VPS13B: variants seen among roughly 807,000 people sequenced by gnomAD.
VPS13B encodes intermembrane lipid transfer protein VPS13B.
A neutral mutation model predicts 426.4 loss-of-function variants in VPS13B; 285 were observed. That is an observed-to-expected ratio of 0.67 (90% CI 0.61 to 0.74). VPS13B has a LOEUF of 0.74. Among genes scored for constraint, VPS13B ranks in the 30% least tolerant of loss-of-function variants. The pLI is 0.00. For missense variants in VPS13B, 4,537 were observed against 4,782.6 expected (o/e 0.95, Z 1.51); for synonymous variants, 1,676 against 1,676.4 (o/e 1.00, Z 0.01).
At chr8:99,206,612 C>T (rs989853437) in intron 17 of VPS13B, among the ~76,000 whole-genome samples, 2 of 152,116 alleles carry the variant, frequency 1.3e-5, no homozygotes, top group African/African-American at 4.8e-5. Context: ...TCAAATATTC[C>T]TCTTACTTTA....
intron 3 of VPS13B, among the ~76,000 whole-genome samples, chr8:99,072,560 C>T (rs908053026): frequency 5.9e-5 from 9 of 152,010 alleles, no homozygotes; most frequent in Non-Finnish European, 8.8e-5. Flanking sequence ...GGTGCGGGGC[C>T]GAGGTGGTAT....
chr8:99,580,984 A>ACAC (rs1826024268), intron 33 of VPS13B, among the ~76,000 whole-genome samples: 1 of 126,620 alleles, frequency 7.9e-6, no homozygotes, highest in Non-Finnish European at 1.6e-5. Flanking sequence ...ATCTCTACAA[A>ACAC]ACACACACAC....
chr8:99,335,148 G>A (rs1588262877), intron 19 of VPS13B, among the ~76,000 whole-genome samples: 1 of 152,234 alleles, frequency 6.6e-6, no homozygotes, highest in African/African-American at 2.4e-5. Flanking sequence ...TTTGCGTAGA[G>A]GTGTTTGTAG....
intron 33 of VPS13B, among the ~76,000 whole-genome samples, chr8:99,615,117 C>CAAAAAA (rs747102670): frequency 1.7e-5 from 1 of 58,612 alleles, no homozygotes; most frequent in African/African-American, 5.8e-5. Context: ...AACTCCGTCT[C>CAAAAAA]AAAAAAAAAA....
intron 23 of VPS13B, among the ~76,000 whole-genome samples, chr8:99,445,103 G>A (rs3134147): frequency 3.3e-5 from 5 of 151,396 alleles, no homozygotes; most frequent in African/African-American, 1.2e-4. Context: ...TTCTAGATAC[G>A]ATACCCTTAC....
At chr8:99,870,579 A>T (rs186570186) in intron 59 of VPS13B, among the ~76,000 whole-genome samples, 30 of 152,224 alleles carry the variant, frequency 2.0e-4, no homozygotes, top group Admixed American at 3.9e-4. Flanking sequence ...TAACACATTC[A>T]TATTTTAGTT....
chr8:99,836,650 T>G (rs915428442), intron 54 of VPS13B, among the ~76,000 whole-genome samples: 1 of 152,250 alleles, frequency 6.6e-6, no homozygotes, highest in African/African-American at 2.4e-5. Flanking sequence ...TTTAAAAAGT[T>G]CTTCCACATT....
intron 19 of VPS13B, among the ~76,000 whole-genome samples, chr8:99,307,450 A>T (rs953719341): frequency 3.3e-5 from 5 of 152,120 alleles, no homozygotes; most frequent in Non-Finnish European, 4.4e-5. Context: ...CCTAAGAAAG[A>T]TGCTTCCAGT....
chr8:99,424,508 T>C (rs1224414048), intron 21 of VPS13B: 1 of 152,044 alleles, frequency 6.6e-6, no homozygotes, highest in Non-Finnish European at 1.5e-5. Context: ...TCTTTGAAAT[T>C]AACGAGAACA....
At chr8:99,781,516 A>C (rs78879015) in intron 42 of VPS13B, among the ~76,000 whole-genome samples, 6,876 of 152,258 alleles carry the variant, frequency 0.045, 166 homozygotes, top group African/African-American at 0.059. Context: ...TTAATATTAC[A>C]ACAGAATTTA....
At chr8:99,704,155 CA>C (rs1832403321) in intron 36 of VPS13B, among the ~76,000 whole-genome samples, 1 of 152,262 alleles carries the variant, frequency 6.6e-6, no homozygotes, top group Admixed American at 6.5e-5. Context: ...ATGTAACTTT[CA>C]CTACCCCAGG....
chr8:99,809,596 A>G (rs1813594737), intron 44 of VPS13B, 66 bp downstream of exon 44: 1 of 1,597,978 alleles, frequency 6.3e-7, no homozygotes. Flanking sequence ...GATGAAAATA[A>G]TTAATAATTT....
chr8:99,123,115 C>T (rs1229824089), intron 8 of VPS13B, among the ~76,000 whole-genome samples: 2 of 87,270 alleles, frequency 2.3e-5, no homozygotes, highest in African/African-American at 9.7e-5. Context: ...GAGCGAAACT[C>T]TGTCTCCAAA....
chr8:99,756,807 C>A (rs941197378), intron 39 of VPS13B, among the ~76,000 whole-genome samples: 1 of 152,166 alleles, frequency 6.6e-6, no homozygotes, highest in African/African-American at 2.4e-5. Context: ...TAAGAACCCA[C>A]TTTAAAGAAA....
At chr8:99,203,197 G>C (rs773495186) in intron 17 of VPS13B, among the ~76,000 whole-genome samples, 4 of 152,148 alleles carry the variant, frequency 2.6e-5, no homozygotes, top group Non-Finnish European at 5.9e-5. Flanking sequence ...GGGATGTAAG[G>C]CTGGCTCAAC....
intron 33 of VPS13B, among the ~76,000 whole-genome samples, chr8:99,585,498 G>A (rs890465643): frequency 6.6e-5 from 10 of 152,030 alleles, no homozygotes; most frequent in South Asian, 4.1e-4. Flanking sequence ...TGGCCACATG[G>A]GATTACCCAG....
At chr8:99,503,819 G>A (rs1263651082) in intron 27 of VPS13B, among the ~76,000 whole-genome samples, 3 of 152,156 alleles carry the variant, frequency 2.0e-5, no homozygotes, top group East Asian at 3.9e-4. Flanking sequence ...GTCACCCATC[G>A]GGGCTGGAAT....
intron 21 of VPS13B, among the ~76,000 whole-genome samples, chr8:99,399,843 C>A (rs1383695878): frequency 6.6e-6 from 1 of 152,106 alleles, no homozygotes; most frequent in Non-Finnish European, 1.5e-5. Context: ...GTTTGTTAAG[C>A]AGACTGGGTT....
At chr8:99,444,974 T>C (rs1211470216) in intron 23 of VPS13B, among the ~76,000 whole-genome samples, 1 of 152,054 alleles carries the variant, frequency 6.6e-6, no homozygotes, top group African/African-American at 2.4e-5. Flanking sequence ...TTCAAATCTT[T>C]TGCCTACTTT....
Sources: allele counts gnomAD v4.1 joint callset (sites outside exome capture counted in the v4.1 genomes callset), GRCh38; gene constraint gnomAD v4.1.1; transcripts MANE v1.5; gene names NCBI Gene and HGNC (gene_info 2026-07-23, HGNC 2026-07-21).